The following KDM4C variants were observed in gnomAD, a reference collection of about 807,000 sequenced individuals.
KDM4C encodes lysine-specific demethylase 4C.
Under a neutral mutation model 129.3 loss-of-function variants are expected in KDM4C, and 81 were observed. The observed-to-expected ratio is 0.63, with a 90% CI of 0.52 to 0.75. KDM4C has a LOEUF of 0.75. Among genes scored for constraint, KDM4C ranks in the 30% least tolerant of loss-of-function variants. The pLI, the probability that KDM4C is intolerant of heterozygous loss-of-function variation, is 0.00. For missense variants in KDM4C, 1,457 were observed against 1,304.0 expected, an observed-to-expected ratio of 1.12 and a Z score of -1.81; for synonymous variants, 573 against 456.1, an observed-to-expected ratio of 1.26 and a Z score of -3.26.
chr9:7,015,007 G>C (rs1351596002), intron 14 of KDM4C, among the ~76,000 whole-genome samples: 2 of 150,730 alleles, frequency 1.3e-5, no homozygotes, highest in Non-Finnish European at 3.0e-5. Context: ...AAAATAATTG[G>C]GATATAATCT....
chr9:6,866,971 T>A (rs994569480), intron 5 of KDM4C, among the ~76,000 whole-genome samples: 46 of 126,260 alleles, frequency 3.6e-4, no homozygotes, highest in Non-Finnish European at 1.3e-4. Flanking sequence ...AAATATATGT[T>A]TGTGTGTGTG....
rs1554643689 is a variant in KDM4C, at chr9:6,919,223, C to CTTCTTTTCTTTCTTTCTTTCT, written c.921+25997_921+25998insTCTTTCTTTCTTTCTTTCTTT. On this transcript the variant is annotated intron_variant, in intron 8 of 21. Coordinates refer to ENST00000381309, the MANE Select transcript of KDM4C (RefSeq NM_015061.6). The stretch of plus-strand genomic sequence containing the variant: ...TTACAGATTCTGAATTTTCTTTTTC[C>CTTCTTTTCTTTCTTTCTTTCT]TTCTTTCTTTCTTTCTTTCTTTCTT... 4.0e-3 allele frequency among the ~76,000 whole-genome samples: 433 copies of CTTCTTTTCTTTCTTTCTTTCT among 109,024 alleles called. 4 individuals are homozygous for CTTCTTTTCTTTCTTTCTTTCT. Among genetic ancestry groups the CTTCTTTTCTTTCTTTCTTTCT allele is most frequent in the Non-Finnish European group, 7.2e-3 (342 of 47,326 alleles). 71.5% of individuals were successfully genotyped at this position (109,024 alleles called of 152,430 possible).
intron 18 of KDM4C, among the ~76,000 whole-genome samples, chr9:7,110,367 A>G (rs1468768584): frequency 6.6e-6 from 1 of 152,104 alleles, no homozygotes; most frequent in East Asian, 1.9e-4. Flanking sequence ...TTTTTTTCAA[A>G]TGGTTCAGGG....
intron 17 of KDM4C, among the ~76,000 whole-genome samples, chr9:7,078,393 T>C (rs1834158193): frequency 7.0e-6 from 1 of 143,880 alleles, no homozygotes; most frequent in South Asian, 2.2e-4. Context: ...CTAGGTTTCC[T>C]TTTTTTTTTT....
chr9:7,090,203 G>A (rs1331464026), intron 17 of KDM4C, among the ~76,000 whole-genome samples: 2 of 152,178 alleles, frequency 1.3e-5, no homozygotes, highest in African/African-American at 4.8e-5. Context: ...AACTTGACAA[G>A]CAGATTCTTT....
chr9:6,893,129 T>A lies in KDM4C; in HGVS notation c.818T>A (p.Phe273Tyr), dbSNP rs1476974356. 7 of 1,596,740 alleles carry A rather than the reference T, an allele frequency of 4.4e-6. No individual in the cohort carries two copies. Residue 273 changes from phenylalanine (F) to tyrosine (Y), a missense_variant, in exon 8 of 22, where the codon TTC becomes TAC. Physicochemically the swap from Phe to Tyr is conservative, Grantham distance 22. Transcript: ENST00000381309. ...TQEAGEFMIT[F>Y]PYGYHAGFNH... ...GAGGCTGGAGAATTCATGATCACTT[T>A]CCCATATGGCTACCATGCTGGTTTT...
chr9:7,166,497 A>C (rs190179334), intron 20 of KDM4C, among the ~76,000 whole-genome samples: 18 of 152,008 alleles, frequency 1.2e-4, no homozygotes, highest in African/African-American at 4.3e-4. Flanking sequence ...CCCCCTTTGC[A>C]TATGGTATTG....
intron 8 of KDM4C, among the ~76,000 whole-genome samples, chr9:6,971,406 A>T (rs1194465347): frequency 6.6e-6 from 1 of 152,188 alleles, no homozygotes; most frequent in Non-Finnish European, 1.5e-5. Flanking sequence ...TGCATTTATT[A>T]TGTAGCCTGT....
intron 1 of KDM4C, among the ~76,000 whole-genome samples, chr9:6,761,313 G>C (rs1407669716): frequency 6.6e-6 from 1 of 151,866 alleles, no homozygotes; most frequent in Non-Finnish European, 1.5e-5. Flanking sequence ...CCGGCCTCTG[G>C]ATGTCAGTAT....
intron 8 of KDM4C, among the ~76,000 whole-genome samples, chr9:6,955,145 A>G (rs1164816994): frequency 1.3e-5 from 2 of 152,236 alleles, no homozygotes; most frequent in Non-Finnish European, 2.9e-5. Flanking sequence ...TTGGGCTTCC[A>G]GACTAGAGCC....
At chr9:6,825,682 C>G (rs1833763186) in intron 4 of KDM4C, among the ~76,000 whole-genome samples, 1 of 152,160 alleles carries the variant, frequency 6.6e-6, no homozygotes, top group Non-Finnish European at 1.5e-5. Context: ...TAAATTGTAC[C>G]TCCAAGATTT....
At chr9:6,811,699 T>G (rs1831179698) in intron 3 of KDM4C, among the ~76,000 whole-genome samples, 1 of 152,192 alleles carries the variant, frequency 6.6e-6, no homozygotes, top group Admixed American at 6.5e-5. Flanking sequence ...AGCTTCCTGT[T>G]TTTATCCCTA....
intron 4 of KDM4C, among the ~76,000 whole-genome samples, chr9:6,844,257 G>C (rs1200057650): frequency 1.3e-5 from 2 of 151,612 alleles, no homozygotes; most frequent in African/African-American, 4.8e-5. Context: ...AATATCTTTT[G>C]TTTTAAGTTT....
rs558281483 is a variant in KDM4C, at chr9:7,155,150, T to G, written c.2782-10088T>G. Among the ~76,000 whole-genome samples the G allele has an allele frequency of 2.4e-4, 37 of 152,300 alleles. No homozygotes were observed. In the South Asian group the frequency reaches 6.2e-3, roughly 26 times the overall value. On this transcript the variant is annotated intron_variant, in intron 19 of 21. Coordinates refer to ENST00000381309, the MANE Select transcript of KDM4C (RefSeq NM_015061.6). ...GCTTTGGGGATACCTGGAATTCTCA[T>G]TTTTAATGTGTGCCCCAGGGTTGGG...
In KDM4C at chr9:7,131,619, C is replaced by T. The variant is rs1039205820; in HGVS notation, c.2781+3383C>T. The stretch of plus-strand genomic sequence containing the variant: ...AGGCATGAGCCACGGTGCCCAGCCC[C>T]ACACACCATTATTTAAGTCATGGAT... On this transcript the variant is annotated intron_variant, in intron 19 of 21. Coordinates refer to ENST00000381309, the MANE Select transcript of KDM4C (RefSeq NM_015061.6). 1.4e-4 allele frequency among the ~76,000 whole-genome samples: 22 copies of T among 152,136 alleles called. 1 individual carries two copies. The highest frequency in any genetic ancestry group is 5.1e-4 in the African/African-American group (21 of 41,422).
intron 5 of KDM4C, among the ~76,000 whole-genome samples, chr9:6,857,518 C>T (rs1840079884): frequency 6.6e-6 from 1 of 152,234 alleles, no homozygotes; most frequent in Non-Finnish European, 1.5e-5. Context: ...CTGTGGACCA[C>T]TGCTCAGCAC....
intron 8 of KDM4C, among the ~76,000 whole-genome samples, chr9:6,928,599 C>CT (rs34193960): frequency 0.12 from 16,832 of 144,152 alleles, 2,136 homozygotes; most frequent in African/African-American, 0.32. Context: ...CCTATGTCCT[C>CT]TTTTTTTTTT....
chr9:6,755,353 A>G (rs1681379459), upstream of KDM4C, among the ~76,000 whole-genome samples: 1 of 152,252 alleles, frequency 6.6e-6, no homozygotes, highest in African/African-American at 2.4e-5. Context: ...CCTGGGCAAC[A>G]GAGTGAGACT....
In KDM4C at chr9:6,741,677, T is replaced by C. The variant is rs981865475; in HGVS notation, c.49+20680T>C. Among the ~76,000 whole-genome samples the C allele has an allele frequency of 2.9e-4, 16 of 54,586 alleles. No homozygotes were observed. In the South Asian group the frequency reaches 5.4e-3, roughly 19 times the overall value. 35.8% of individuals were successfully genotyped at this position (54,586 alleles called of 152,430 possible). A position where few individuals can be genotyped will look rare whatever the true frequency, so the allele number is the denominator to read the frequency against. On this transcript the variant is annotated intron_variant, in intron 1 of 17. Transcript: ENST00000536108. ...TCATTGAATTTTGAGGTGGCAGCTCTTTTTTTTTTTTTTTTTTGTCTTTTG... is the reference window on the plus strand; with the variant it reads ...TCATTGAATTTTGAGGTGGCAGCTCCTTTTTTTTTTTTTTTTTGTCTTTTG...
Sources: gnomAD v4.1 joint callset for allele counts (sites outside exome capture counted in the v4.1 genomes callset) on GRCh38, gnomAD v4.1.1 for gene constraint, MANE v1.5 for transcripts, NCBI Gene and HGNC (gene_info 2026-07-23, HGNC 2026-07-21) for gene names.